Variants in ADAMTS3 observed in about 807,000 individuals in gnomAD.
The protein encoded by ADAMTS3 is ADAM metallopeptidase with thrombospondin type 1 motif 3, also known as A disintegrin and metalloproteinase with thrombospondin motifs 3.
Under a neutral mutation model 129.0 loss-of-function variants are expected in ADAMTS3, and 73 were observed. The observed-to-expected ratio is 0.57, with a 90% confidence interval of 0.47 to 0.69. The LOEUF is 0.69. Among genes scored for constraint, ADAMTS3 ranks in the 30% least tolerant of loss-of-function variants. The probability of loss-of-function intolerance (pLI) is 0.00; values close to 1 mark genes in which losing one functional copy is unlikely to be tolerated. For missense variants in ADAMTS3, 1,457 were observed against 1,514.5 expected, an observed-to-expected ratio of 0.96 and a Z score of 0.63; for synonymous variants, 477 against 510.8, an observed-to-expected ratio of 0.93 and a Z score of 0.89.
intron 4 of ADAMTS3, among the ~76,000 whole-genome samples, chr4:72,399,242 C>A (rs1721811146): frequency 6.6e-6 from 1 of 151,996 alleles, no homozygotes; most frequent in Non-Finnish European, 1.5e-5. Flanking sequence ...CCAGCCTGGG[C>A]AACATAGTGA....
At chr4:72,550,893 G>T (rs978799890) in intron 2 of ADAMTS3, among the ~76,000 whole-genome samples, 6 of 152,076 alleles carry the variant, frequency 3.9e-5, no homozygotes, top group Non-Finnish European at 7.4e-5. Context: ...TAAAGACAAA[G>T]AACTCCCCAT....
At position 72,295,643 on chromosome 4, in the gene ADAMTS3, T is replaced by C. The variant is rs1260682154; in HGVS notation, c.2723+11A>G. 2.5e-6 allele frequency: 4 copies of C among 1,603,028 alleles called. No homozygotes were observed. The highest frequency in any genetic ancestry group is 1.7e-4 in the Middle Eastern group (1 of 5,992). On this transcript the variant is annotated intron_variant, in intron 19 of 21. Coordinates refer to ENST00000286657, the MANE Select transcript of ADAMTS3 (RefSeq NM_014243.3). The stretch of plus-strand genomic sequence containing the variant: ...TGACCTCCAGATATGATAGTTAAAA[T>C]AGATGCTTACAGTGGATGTGTACAC...
chr4:72,410,767 TAG>T lies in ADAMTS3; in HGVS notation c.661+4046_661+4047del, dbSNP rs759601153. Among the ~76,000 whole-genome samples the T allele has an allele frequency of 1.2e-3, 180 of 150,076 alleles. 2 individuals are homozygous for T. The highest frequency in any genetic ancestry group is 2.5e-3 in the Non-Finnish European group (169 of 67,630). On this transcript the variant is annotated intron_variant, in intron 4 of 21. Coordinates refer to ENST00000286657, the MANE Select transcript of ADAMTS3 (RefSeq NM_014243.3). ...TTTTATTAAGTATATTGTTACCAAT[TAG>T]AGTTTCAAATATAATTTTGTCCAAA...
chr4:72,425,182 T>A (rs868688511), intron 3 of ADAMTS3, among the ~76,000 whole-genome samples: 1 of 152,142 alleles, frequency 6.6e-6, no homozygotes, highest in Non-Finnish European at 1.5e-5. Flanking sequence ...CAGAAAAAGT[T>A]GAGGAAGCAT....
At chr4:72,369,537 C>G (rs975940551) in intron 4 of ADAMTS3, among the ~76,000 whole-genome samples, 1 of 151,922 alleles carries the variant, frequency 6.6e-6, no homozygotes, top group African/African-American at 2.4e-5. Context: ...ATGATGAAAG[C>G]TCACCTCTAG....
chr4:72,317,934 C>T (rs994424889), intron 10 of ADAMTS3, among the ~76,000 whole-genome samples: 9 of 151,586 alleles, frequency 5.9e-5, no homozygotes, highest in East Asian at 2.0e-4. Flanking sequence ...GAGGCTGAGG[C>T]GGGAGAATTG....
intron 3 of ADAMTS3, among the ~76,000 whole-genome samples, chr4:72,447,509 T>G (rs1445682569): frequency 6.6e-6 from 1 of 151,790 alleles, no homozygotes; most frequent in Non-Finnish European, 1.5e-5. Flanking sequence ...CAACAAAATT[T>G]GAGTCAGGAT....
In ADAMTS3 at chr4:72,283,216, A is replaced by T. The variant is rs2109760870; in HGVS notation, c.3538T>A (p.Ser1180Thr). ...FAASDSIGAS[S>T]QARTSKKDGK... ...TCTTTCTTTGAGGTTCTTGCCTGAG[A>T]AGAAGCACCTATTGAATCACTGGCT... Residue 1180 changes from serine (S) to threonine (T), a missense_variant, in exon 22 of 22, where the codon TCT (serine) becomes ACT (threonine). Ser to Thr is a moderately conservative substitution (Grantham distance 58). Transcript: ENST00000286657. 1 of 1,613,912 alleles carries T rather than the reference A, an allele frequency of 6.2e-7. No individual in the cohort carries two copies. The highest frequency in any genetic ancestry group is 1.3e-5 in the African/African-American group (1 of 74,968).
At chr4:72,484,802 GA>G (rs1324861610) in intron 3 of ADAMTS3, among the ~76,000 whole-genome samples, 1 of 151,860 alleles carries the variant, frequency 6.6e-6, no homozygotes, top group African/African-American at 2.4e-5. Context: ...AGGTAACAAG[GA>G]AAAAGTCCAA....
chr4:72,434,310 T>C (rs991225074), intron 3 of ADAMTS3, among the ~76,000 whole-genome samples: 2 of 151,924 alleles, frequency 1.3e-5, no homozygotes, highest in Non-Finnish European at 2.9e-5. Context: ...CTAAATTGCA[T>C]TATTTAAAAA....
chr4:72,288,963 C>CACACACACACACAG (rs1243342370), intron 20 of ADAMTS3, 95 bp from the exon 21 acceptor site: 1 of 716,724 alleles, frequency 1.4e-6, no homozygotes. Context: ...CACACACACA[C>CACACACACACACAG]ACACAAAGAC....
intron 5 of ADAMTS3, among the ~76,000 whole-genome samples, chr4:72,326,792 G>A (rs1719710073): frequency 6.6e-6 from 1 of 152,108 alleles, no homozygotes; most frequent in Admixed American, 6.6e-5. Flanking sequence ...GGGACCTCAA[G>A]ATTCTTCTAT....
At chr4:72,541,784 C>T (rs1721332668) in intron 3 of ADAMTS3, among the ~76,000 whole-genome samples, 1 of 152,190 alleles carries the variant, frequency 6.6e-6, no homozygotes, top group Non-Finnish European at 1.5e-5. Context: ...TGCCTTCCAC[C>T]ACGATTGTGA....
chr4:72,295,750 C>G lies in ADAMTS3; in HGVS notation c.2627G>C (p.Ser876Thr). The change falls in exon 19 of 22, where the codon AGT becomes ACT. Residue 876 changes from serine (S) to threonine (T), a missense_variant. By Grantham distance (58) the Ser-to-Thr change is moderately conservative (BLOSUM62 1). Transcript: ENST00000286657. ...QYTKYGCRRK[S>T]DNKMVHRSFC... Reference sequence around the variant, plus strand: ...GCTGCGATGGACCATTTTATTATCACTTTTCCTACGGCATCCATATTTAGT... The same window carrying G: ...GCTGCGATGGACCATTTTATTATCAGTTTTCCTACGGCATCCATATTTAGT... 7 of 1,612,696 alleles carry G rather than the reference C, an allele frequency of 4.3e-6. No individual in the cohort carries two copies. In the Middle Eastern group the frequency reaches 1.2e-3, roughly 266 times the overall value.
intron 4 of ADAMTS3, among the ~76,000 whole-genome samples, chr4:72,385,176 T>C (rs1009221791): frequency 1.6e-4 from 24 of 149,040 alleles, no homozygotes; most frequent in Non-Finnish European, 2.1e-4. Flanking sequence ...TAAGACTCTG[T>C]CTCAAAAAAA....
At chr4:72,374,193 C>T (rs940749567) in intron 4 of ADAMTS3, among the ~76,000 whole-genome samples, 3 of 151,552 alleles carry the variant, frequency 2.0e-5, no homozygotes, top group Non-Finnish European at 4.4e-5. Context: ...GTAACTCATT[C>T]TATAGCTTTT....
chr4:72,300,668 G>T (rs1400788736), intron 17 of ADAMTS3, among the ~76,000 whole-genome samples: 2 of 152,062 alleles, frequency 1.3e-5, no homozygotes, highest in African/African-American at 4.8e-5. Flanking sequence ...AAGAAATGTA[G>T]ATACATTAGG....
chr4:72,288,075 A>G (rs1213049799), intron 21 of ADAMTS3, among the ~76,000 whole-genome samples: 1 of 152,166 alleles, frequency 6.6e-6, no homozygotes, highest in African/African-American at 2.4e-5. Flanking sequence ...CATGTTGTTC[A>G]GGCTGGTCTC....
chr4:72,324,034 T>C lies in ADAMTS3; in HGVS notation c.862-937A>G, dbSNP rs1370899348. ...CTAGCAGGAAGGAGAAAGGTGGAGT[T>C]ACCAGGCTAGAATGCAAAGTTCTTA... On this transcript the variant is annotated intron_variant, in intron 5 of 21. Coordinates refer to ENST00000286657, the MANE Select transcript of ADAMTS3 (RefSeq NM_014243.3). Among the ~76,000 whole-genome samples, 3 of 152,096 alleles carry C rather than the reference T, an allele frequency of 2.0e-5. No individual in the cohort carries two copies. In the East Asian group the frequency reaches 5.8e-4, roughly 29 times the overall value.
Sources: gnomAD v4.1 joint callset for allele counts (sites outside exome capture counted in the v4.1 genomes callset) on GRCh38, gnomAD v4.1.1 for gene constraint, MANE v1.5 for transcripts, NCBI Gene and HGNC (gene_info 2026-07-23, HGNC 2026-07-21) for gene names.